Variants in DPYD observed in about 807,000 individuals in gnomAD.
DPYD encodes the protein dihydropyrimidine dehydrogenase [NADP(+)].
In DPYD, 109 loss-of-function variants were observed where a neutral mutation model predicts 116.2. The observed-to-expected ratio is 0.94, with a 90% CI of 0.80 to 1.10. The LOEUF is 1.10. Ranked by LOEUF, DPYD falls within the 50% of genes least tolerant of loss-of-function variation. The pLI is 0.00. For synonymous variants in DPYD, 440 were observed against 432.0 expected (o/e 1.02, Z -0.23); for missense variants, 1,302 against 1,254.5 (o/e 1.04, Z -0.57).
chr1:97,434,253 C>T (rs1675339325), intron 14 of DPYD, among the ~76,000 whole-genome samples: 1 of 152,026 alleles, frequency 6.6e-6, no homozygotes, highest in Admixed American at 6.6e-5. Flanking sequence ...AGAAACTCCC[C>T]AAAGAAGATG....
At chr1:97,751,448 G>GTATA (rs1664889212) in intron 3 of DPYD, among the ~76,000 whole-genome samples, 4 of 30,428 alleles carry the variant, frequency 1.3e-4, no homozygotes, top group African/African-American at 2.9e-4. Context: ...GTGTGTGTGT[G>GTATA]TGTGTGTGTG....
chr1:97,813,599 C>A (rs1002685579), intron 3 of DPYD, among the ~76,000 whole-genome samples: 1 of 152,068 alleles, frequency 6.6e-6, no homozygotes, highest in Non-Finnish European at 1.5e-5. Flanking sequence ...ATGACAAACA[C>A]CCATTTCCAC....
intron 10 of DPYD, among the ~76,000 whole-genome samples, chr1:97,575,757 T>C (rs935064695): frequency 1.8e-4 from 27 of 152,218 alleles, no homozygotes; most frequent in Non-Finnish European, 2.9e-5. Context: ...GCTGCTTATT[T>C]GGGATAGTTT....
chr1:97,581,304 G>GCGACAGA (rs1243141609), intron 10 of DPYD, among the ~76,000 whole-genome samples: 2 of 126,590 alleles, frequency 1.6e-5, no homozygotes, highest in African/African-American at 6.0e-5. Flanking sequence ...TCCAGCCTGG[G>GCGACAGA]CGACAGAGCG....
At chr1:97,650,116 G>T (rs933654342) in intron 8 of DPYD, among the ~76,000 whole-genome samples, 11 of 151,986 alleles carry the variant, frequency 7.2e-5, no homozygotes, top group Non-Finnish European at 1.3e-4. Context: ...CCACTTAGGG[G>T]ATGTTCCCTT....
At chr1:97,511,318 T>C (rs1416028502) in intron 13 of DPYD, among the ~76,000 whole-genome samples, 2 of 151,996 alleles carry the variant, frequency 1.3e-5, no homozygotes, top group East Asian at 3.9e-4. Context: ...GAATATAGGG[T>C]ATCTAATAAT....
intron 20 of DPYD, among the ~76,000 whole-genome samples, chr1:97,131,771 G>GTATT: frequency 2.0e-5 from 3 of 152,050 alleles, no homozygotes; most frequent in African/African-American, 7.2e-5. Context: ...AATACGCCAA[G>GTATT]GCATCCAGGT....
At chr1:97,870,881 G>C (rs189922828) in intron 2 of DPYD, among the ~76,000 whole-genome samples, 1 of 151,786 alleles carries the variant, frequency 6.6e-6, no homozygotes, top group Non-Finnish European at 1.5e-5. Flanking sequence ...AGCATTTTAC[G>C]TGGGTTCCAC....
intron 10 of DPYD, among the ~76,000 whole-genome samples, chr1:97,585,110 T>C (rs867161021): frequency 6.6e-6 from 1 of 152,280 alleles, no homozygotes; most frequent in Non-Finnish European, 1.5e-5. Context: ...TTTTAATATA[T>C]TGGCTAATTC....
At chr1:97,631,188 T>C (rs1657237140) in intron 8 of DPYD, among the ~76,000 whole-genome samples, 1 of 151,994 alleles carries the variant, frequency 6.6e-6, no homozygotes, top group Non-Finnish European at 1.5e-5. Flanking sequence ...TGGATTGAGA[T>C]CAGGAGTTTC....
intron 21 of DPYD, among the ~76,000 whole-genome samples, chr1:97,087,103 C>G (rs1235552898): frequency 6.6e-6 from 1 of 152,210 alleles, no homozygotes; most frequent in African/African-American, 2.4e-5. Flanking sequence ...AAGTCAAAAG[C>G]TGAATGACGT....
At chr1:97,081,108 T>C (rs561251296) in intron 22 of DPYD, among the ~76,000 whole-genome samples, 1 of 150,296 alleles carries the variant, frequency 6.7e-6, no homozygotes, top group South Asian at 2.1e-4. Context: ...AAATTTGGTG[T>C]AGAACTGTGG....
At chr1:97,768,944 TC>T (rs913494122) in intron 3 of DPYD, among the ~76,000 whole-genome samples, 60 of 151,476 alleles carry the variant, frequency 4.0e-4, no homozygotes, top group African/African-American at 8.0e-4. Flanking sequence ...CACGATATAA[TC>T]AAAAAATCTC....
intron 2 of DPYD, among the ~76,000 whole-genome samples, chr1:97,871,198 T>G (rs74993515): frequency 0.048 from 7,362 of 152,042 alleles, 228 homozygotes; most frequent in South Asian, 0.099. Context: ...TATTATATAC[T>G]ACTTATTGAC....
chr1:97,203,662 AC>A (rs543772271), intron 19 of DPYD, among the ~76,000 whole-genome samples: 755 of 21,506 alleles, frequency 0.035, 47 homozygotes, highest in African/African-American at 0.11. Flanking sequence ...ATGAGTTCAG[AC>A]CCCCCCCCCC....
rs114226975 is a variant in DPYD, at chr1:97,385,507, T to C, written c.1906-3046A>G. 7.6e-3 allele frequency among the ~76,000 whole-genome samples: 1,118 copies of C among 147,440 alleles called. 17 individuals carry two copies. Among genetic ancestry groups the C allele is most frequent in the African/African-American group, 0.026 (1,068 of 40,374 alleles). ...AACTGATAAGCAATATGCATAGATT[T>C]TTAGAAAATTTTTTTCTTAAAAAAA... On this transcript the variant is annotated intron_variant, in intron 14 of 22. Coordinates refer to ENST00000370192, the MANE Select transcript of DPYD (RefSeq NM_000110.4).
intron 20 of DPYD, among the ~76,000 whole-genome samples, chr1:97,168,848 A>ATTT (rs11457298): frequency 1.4e-5 from 2 of 142,386 alleles, no homozygotes; most frequent in African/African-American, 2.6e-5. Flanking sequence ...CCACTTAGTA[A>ATTT]TTTTTTTTTT....
intron 11 of DPYD, among the ~76,000 whole-genome samples, chr1:97,565,847 A>G (rs1449152391): frequency 1.3e-5 from 2 of 152,198 alleles, no homozygotes; most frequent in Non-Finnish European, 2.9e-5. Context: ...AATAGTAGAA[A>G]TCATAAAATA....
intron 18 of DPYD, among the ~76,000 whole-genome samples, chr1:97,261,610 G>A (rs1570782965): frequency 6.7e-6 from 1 of 149,156 alleles, no homozygotes; most frequent in African/African-American, 2.5e-5. Context: ...AAAGAAAATA[G>A]TTTGAGATGG....
Sources: gnomAD v4.1 joint callset for allele counts (sites outside exome capture counted in the v4.1 genomes callset) on GRCh38, gnomAD v4.1.1 for gene constraint, MANE v1.5 for transcripts, NCBI Gene and HGNC (gene_info 2026-07-23, HGNC 2026-07-21) for gene names.